Variants in ERFL observed in about 807,000 individuals in gnomAD.
The protein encoded by ERFL is ETS domain-containing transcription factor ERF-like.
A neutral mutation model predicts 27.9 loss-of-function variants in ERFL; 8 were observed. That is an observed-to-expected ratio of 0.29 (90% CI 0.17 to 0.52). ERFL has a LOEUF of 0.52. Ranked by LOEUF, ERFL falls within the 20% of genes least tolerant of loss-of-function variation. The pLI is 0.97. For synonymous variants in ERFL, 174 were observed against 202.8 expected (o/e 0.86, Z 1.21); for missense variants, 294 against 444.4 (o/e 0.66, Z 3.04).
In ERFL at chr19:41,910,311, GT is replaced by G. The variant is rs2074744774; in HGVS notation, c.68-215del. 6.6e-6 allele frequency among the ~76,000 whole-genome samples: 1 copy of G among 152,122 alleles called. No individual in the cohort carries two copies. Among genetic ancestry groups the G allele is most frequent in the Admixed American group, 6.5e-5 (1 of 15,276 alleles). Reference sequence around the variant, plus strand: ...GAACCCAGTCATCCAGGGACCCTGGGTTGGTACCAGTCTGATCCCCTACCTT... The same window carrying G: ...GAACCCAGTCATCCAGGGACCCTGGGTGGTACCAGTCTGATCCCCTACCTT... On this transcript the variant is annotated intron_variant, in intron 2 of 5. Transcript: ENST00000597630. This position sits in a 1 kb window ranked among gnomAD's most constrained non-coding sequence, Gnocchi z 4.4.
chr19:41,917,100 C>G lies in ERFL; in HGVS notation c.-13-4168G>C, dbSNP rs1750569570. Among the ~76,000 whole-genome samples the G allele has an allele frequency of 6.6e-6, 1 of 152,190 alleles. No homozygotes were observed. The highest frequency in any genetic ancestry group is 2.1e-4 in the South Asian group (1 of 4,824). The stretch of plus-strand genomic sequence containing the variant: ...TCTCGAGACACAGGTCTCTCGGTCT[C>G]TCTCAGCCCCTTCGGGTGTCGGCGC... On this transcript the variant is annotated intron_variant, in intron 1 of 5. Coordinates refer to ENST00000597630, the MANE Select transcript of ERFL (RefSeq NM_001365103.2). This position sits in a 1 kb window ranked among gnomAD's most constrained non-coding sequence, Gnocchi z 4.8.
At chr19:41,922,885 C>T (rs927651925) in intron 1 of ERFL, among the ~76,000 whole-genome samples, 18 of 152,362 alleles carry the variant, frequency 1.2e-4, no homozygotes, top group African/African-American at 3.4e-4. Flanking sequence ...CCCAGCCCCA[C>T]ACCGGGTCCC....
chr19:41,907,709 C>A lies in ERFL; in HGVS notation c.*519G>T, dbSNP rs2074724221. The A allele has an allele frequency of 6.8e-6, 2 of 293,272 alleles. No individual in the cohort carries two copies. The highest frequency in any genetic ancestry group is 7.7e-5 in the South Asian group (1 of 13,042). The allele number at this position is 293,272 out of a possible 1,614,324, so 18.2% of individuals were successfully genotyped here. On this transcript the variant is annotated 3_prime_UTR_variant, in exon 6 of 6. Transcript: ENST00000597630. Reference sequence around the variant, plus strand: ...TCAGCACTGGGCACCCCGAGTCTCACTCTCTGTTCTTTTATTTCTGTAGTA... The same window carrying A: ...TCAGCACTGGGCACCCCGAGTCTCAATCTCTGTTCTTTTATTTCTGTAGTA...
intron 1 of ERFL, among the ~76,000 whole-genome samples, chr19:41,919,512 TACACACACACACAC>T: frequency 6.8e-6 from 1 of 146,592 alleles, no homozygotes; most frequent in East Asian, 2.0e-4. Flanking sequence ...CGTGCACGCG[TACACACACACACAC>T]ACACACACAC....
intron 1 of ERFL, among the ~76,000 whole-genome samples, chr19:41,924,673 C>A (rs111252786): frequency 6.6e-6 from 1 of 151,998 alleles, no homozygotes; most frequent in East Asian, 1.9e-4. Context: ...CAGATAACCT[C>A]GGACTTAAGA....
Position 41,912,924 on chromosome 19 carries a change from G to A in ERFL, c.-5C>T. 8.1e-7 allele frequency: 1 copy of A among 1,230,966 alleles called. No homozygotes were observed. Among genetic ancestry groups the A allele is most frequent in the Non-Finnish European group, 1.0e-6 (1 of 987,328 alleles). 76.3% of individuals were successfully genotyped at this position (1,230,966 alleles called of 1,614,324 possible). A position where few individuals can be genotyped will look rare whatever the true frequency, so the allele number is the denominator to read the frequency against. On this transcript the variant is annotated 5_prime_UTR_variant, in exon 2 of 6. Coordinates refer to ENST00000597630, the MANE Select transcript of ERFL (RefSeq NM_001365103.2). ...GGAGACGCAGCTACAGTCCATGGCG[G>A]AGCCGGCCCTGCAGAGGCCGGGAGG...
At position 41,917,265 on chromosome 19, in the gene ERFL, T is replaced by G. The variant is rs2074807029; in HGVS notation, c.-13-4333A>C. 6.6e-6 allele frequency among the ~76,000 whole-genome samples: 1 copy of G among 152,112 alleles called. No homozygotes were observed. Among genetic ancestry groups the G allele is most frequent in the Non-Finnish European group, 1.5e-5 (1 of 68,012 alleles). ...TGTTTCCCCCATCTCTCTCTCTGGG[T>G]GCATCTCTCTGTCTCTCTCTGTCTC... is the stretch of plus-strand genomic sequence containing the variant. On this transcript the variant is annotated intron_variant, in intron 1 of 5. Transcript: ENST00000597630. The surrounding 1 kb of genome is among the most constrained non-coding windows in gnomAD (Gnocchi z 4.8).
At chr19:41,920,084 T>C (rs1249999389) in intron 1 of ERFL, among the ~76,000 whole-genome samples, 3 of 114,348 alleles carry the variant, frequency 2.6e-5, no homozygotes, top group African/African-American at 1.1e-4. Context: ...CTCACAGACA[T>C]GACACGCTCA....
intron 1 of ERFL, among the ~76,000 whole-genome samples, chr19:41,922,518 G>C (rs575946671): frequency 8.9e-4 from 135 of 152,274 alleles, no homozygotes; most frequent in African/African-American, 3.2e-3. Context: ...TCCAGGGTTA[G>C]AGAAAAGGAG....
intron 1 of ERFL, among the ~76,000 whole-genome samples, chr19:41,922,092 G>GT (rs2074845597): frequency 6.6e-6 from 1 of 152,140 alleles, no homozygotes. Flanking sequence ...TGCTGGAGGG[G>GT]CGGGGGCAGA....
chr19:41,909,326 T>TG lies in ERFL; in HGVS notation c.447dup (p.Ser150GlnfsTer17). ...GGCCCTGGGGCCCCCCCAAAGGGAC[T>TG]GGGGGTCAGCAAGAGTGGGGAGCCA... On this transcript the variant is annotated frameshift_variant, in exon 4 of 6. Coordinates refer to ENST00000597630, the MANE Select transcript of ERFL (RefSeq NM_001365103.2). LOFTEE classifies it high-confidence loss of function. This position sits in a 1 kb window ranked among gnomAD's most constrained non-coding sequence, Gnocchi z 5.2. 8.1e-7 allele frequency: 1 copy of TG among 1,235,564 alleles called. No individual in the cohort carries two copies. The highest frequency in any genetic ancestry group is 1.0e-6 in the Non-Finnish European group (1 of 989,458). 76.5% of individuals were successfully genotyped at this position (1,235,564 alleles called of 1,614,324 possible).
At position 41,921,095 on chromosome 19, in the gene ERFL, C is replaced by T. The variant is rs79219442; in HGVS notation, c.-14+6945G>A. ...CGGGGAGGTGGGAGCCGCAGTGCCACGCACCCCGCCTACCAAACAGCTCTG... is the reference window on the plus strand; with the variant it reads ...CGGGGAGGTGGGAGCCGCAGTGCCATGCACCCCGCCTACCAAACAGCTCTG... On this transcript the variant is annotated intron_variant, in intron 1 of 5. Transcript: ENST00000597630. This position sits in a 1 kb window ranked among gnomAD's most constrained non-coding sequence, Gnocchi z 4.4. 6.2e-3 allele frequency among the ~76,000 whole-genome samples: 948 copies of T among 152,212 alleles called. 3 individuals carry two copies. The highest frequency in any genetic ancestry group is 0.011 in the Non-Finnish European group (757 of 68,000).
At position 41,917,581 on chromosome 19, in the gene ERFL, G is replaced by A. The variant is rs1326606462; in HGVS notation, c.-13-4649C>T. ...TCCGGGGCTCTGTCTAAAGAGGAGAGAGACGCGGCCTAAGACCCTTCTGCC... is the reference window on the plus strand; with the variant it reads ...TCCGGGGCTCTGTCTAAAGAGGAGAAAGACGCGGCCTAAGACCCTTCTGCC... On this transcript the variant is annotated intron_variant, in intron 1 of 5. Coordinates refer to ENST00000597630, the MANE Select transcript of ERFL (RefSeq NM_001365103.2). The surrounding 1 kb of genome is among the most constrained non-coding windows in gnomAD (Gnocchi z 4.8). 6.6e-6 allele frequency among the ~76,000 whole-genome samples: 1 copy of A among 151,396 alleles called. No homozygotes were observed. The highest frequency in any genetic ancestry group is 1.5e-5 in the Non-Finnish European group (1 of 67,836).
chr19:41,918,942 C>T (rs2074820889), intron 1 of ERFL, among the ~76,000 whole-genome samples: 1 of 149,672 alleles, frequency 6.7e-6, no homozygotes, highest in Non-Finnish European at 1.5e-5. Flanking sequence ...ACATACACTA[C>T]TCACCATACA....
intron 1 of ERFL, among the ~76,000 whole-genome samples, chr19:41,919,706 TG>T (rs1196664018): frequency 4.6e-5 from 7 of 152,140 alleles, no homozygotes; most frequent in Non-Finnish European, 7.4e-5. Flanking sequence ...CCAGCCCAGC[TG>T]CCGGGGTCCT....
At chr19:41,924,534 C>A (rs967657338) in intron 1 of ERFL, among the ~76,000 whole-genome samples, 1 of 152,014 alleles carries the variant, frequency 6.6e-6, no homozygotes, top group Non-Finnish European at 1.5e-5. Context: ...TATCCTCATT[C>A]TCGTTGTCGC....
At position 41,921,056 on chromosome 19, in the gene ERFL, C is replaced by T. The variant is rs971241691; in HGVS notation, c.-14+6984G>A. ...CCGAATGGTGTCAGTTGAGGGGTGGCGAGGGAGCGTCCCCGGGGAGGTGGG... is the reference window on the plus strand; with the variant it reads ...CCGAATGGTGTCAGTTGAGGGGTGGTGAGGGAGCGTCCCCGGGGAGGTGGG... On this transcript the variant is annotated intron_variant, in intron 1 of 5. Transcript: ENST00000597630. The surrounding 1 kb of genome is among the most constrained non-coding windows in gnomAD (Gnocchi z 4.4). Among the ~76,000 whole-genome samples, 5 of 152,116 alleles carry T rather than the reference C, an allele frequency of 3.3e-5. No homozygotes were observed. Among genetic ancestry groups the T allele is most frequent in the African/African-American group, 9.7e-5 (4 of 41,412 alleles).
intron 1 of ERFL, among the ~76,000 whole-genome samples, chr19:41,926,808 C>T (rs1213204138): frequency 6.6e-6 from 1 of 152,270 alleles, no homozygotes; most frequent in African/African-American, 2.4e-5. Flanking sequence ...TCGCTATTTC[C>T]CTTTGTTGCC....
At chr19:41,920,126 C>CAG (rs1555852321) in intron 1 of ERFL, among the ~76,000 whole-genome samples, 1 of 108,262 alleles carries the variant, frequency 9.2e-6, no homozygotes. Flanking sequence ...GACACGCTCA[C>CAG]ACATGCGCTC....
Sources: allele counts gnomAD v4.1 joint callset (sites outside exome capture counted in the v4.1 genomes callset), GRCh38; gene constraint gnomAD v4.1.1; non-coding constraint Gnocchi (gnomAD v3.1); transcripts MANE v1.5; gene names NCBI Gene and HGNC (gene_info 2026-07-23, HGNC 2026-07-21).